Variants in CLEC12B observed in about 807,000 individuals in gnomAD.
CLEC12B encodes C-type lectin domain family 12 member B, also known as macrophage antigen h.
Under a neutral mutation model 36.1 loss-of-function variants are expected in CLEC12B, and 25 were observed. The observed-to-expected ratio is 0.69, with a 90% CI of 0.50 to 0.97. CLEC12B has a LOEUF of 0.97. Ranked by LOEUF, CLEC12B falls within the 50% of genes least tolerant of loss-of-function variation. The pLI is 0.00. For synonymous variants in CLEC12B, 110 were observed against 108.5 expected (o/e 1.01, Z -0.09); for missense variants, 325 against 318.4 (o/e 1.02, Z -0.16).
intron 2 of CLEC12B, 28 bp from the exon 3 acceptor site, chr12:10,014,495 T>C (rs1355427880): frequency 6.8e-7 from 1 of 1,480,598 alleles, no homozygotes; most frequent in African/African-American, 1.4e-5. Context: ...GAAGAATATA[T>C]GAACTTGTCT....
rs1317971420 is a variant in CLEC12B at position 10,015,291 on chromosome 12, A to G, written c.449A>G (p.Tyr150Cys). 11 of 1,613,300 alleles carry G rather than the reference A, an allele frequency of 6.8e-6. No individual in the cohort carries two copies. The highest frequency in any genetic ancestry group is 9.3e-6 in the Non-Finnish European group (11 of 1,179,370). ...CCATGTCCTAAGATGTGGCAATGGT[A>G]CCAAAATAGTTGCTACTATTTTACA... The part of the protein sequence containing the change: ...CNPCPKMWQW[Y>C]QNSCYYFTTN... The change falls in exon 4 of 6, where the codon TAC becomes TGC. Residue 150 changes from tyrosine to cysteine, a missense_variant. By Grantham distance (194) the Tyr-to-Cys change is radical. Coordinates refer to ENST00000338896, the MANE Select transcript of CLEC12B (RefSeq NM_001129998.3).
chr12:10,014,353 TATAA>T (rs1267791393), intron 2 of CLEC12B, among the ~76,000 whole-genome samples, 166 bp from the exon 3 acceptor site: 2 of 152,120 alleles, frequency 1.3e-5, no homozygotes, highest in South Asian at 2.1e-4. Flanking sequence ...TATAAAGAAC[TATAA>T]ATAATTTGGA....
upstream of CLEC12B, among the ~76,000 whole-genome samples, chr12:10,010,198 T>TCACACACACA (rs750091791): frequency 0.013 from 1,233 of 96,748 alleles, 15 homozygotes; most frequent in South Asian, 0.017. Context: ...TCTGTCTCTC[T>TCACACACACA]CTCACACACA....
intron 5 of CLEC12B, chr12:10,016,033 A>C: frequency 2.0e-6 from 2 of 982,948 alleles, no homozygotes; most frequent in Non-Finnish European, 2.5e-6. Context: ...TTCCCATTTT[A>C]TAGGTAGAAA....
chr12:10,015,237 TA>T lies in CLEC12B; in HGVS notation c.410-13del. 4.4e-6 allele frequency: 7 copies of T among 1,603,682 alleles called. No homozygotes were observed. Among genetic ancestry groups the T allele is most frequent in the Non-Finnish European group, 6.0e-6 (7 of 1,174,266 alleles). ...AGTCTTCAGTTTATATTATTGGGTA[TA>T]ATTTCCTTTTCAGACCACAGATGTA... On this transcript the variant is annotated splice_polypyrimidine_tract_variant and intron_variant, in intron 3 of 5. Coordinates refer to ENST00000338896, the MANE Select transcript of CLEC12B (RefSeq NM_001129998.3).
At position 10,014,735 on chromosome 12, in the gene CLEC12B, A is replaced by G. The variant is rs768005069; in HGVS notation, c.403A>G (p.Thr135Ala). Residue 135 changes from threonine (T) to alanine (A), a missense_variant, in exon 3 of 6, where the codon ACT becomes GCT. By Grantham distance (58) the Thr-to-Ala change is moderately conservative (BLOSUM62 0). Transcript: ENST00000338896. ...ACTGTGCCAAGAGCTAATCATTCAT[A>G]CTTCAGGTAATCAGACTTAGTCCTG... Reference protein sequence around the residue: ...IKLCQELIIHTSDHRCNPCPK... With the variant: ...IKLCQELIIHASDHRCNPCPK... The G allele has an allele frequency of 1.9e-6, 3 of 1,611,514 alleles. No individual in the cohort carries two copies. The highest frequency in any genetic ancestry group is 2.5e-6 in the Non-Finnish European group (3 of 1,177,812).
chr12:10,008,326 A>G (rs886401774), upstream of CLEC12B, among the ~76,000 whole-genome samples: 4 of 152,332 alleles, frequency 2.6e-5, no homozygotes, highest in Non-Finnish European at 5.9e-5. Flanking sequence ...AACTAGGATC[A>G]TCTAGTGGGT....
chr12:10,007,012 G>A (rs1347666374), upstream of CLEC12B, among the ~76,000 whole-genome samples: 4 of 151,542 alleles, frequency 2.6e-5, no homozygotes, highest in Non-Finnish European at 4.4e-5. Flanking sequence ...CCGAGATCGC[G>A]CCACTGCACT....
At chr12:10,009,701 A>C (rs1056832761), upstream of CLEC12B, among the ~76,000 whole-genome samples, 10 of 152,142 alleles carry the variant, frequency 6.6e-5, no homozygotes, top group Non-Finnish European at 1.0e-4. Flanking sequence ...AGTGCACCTC[A>C]CGCTGGACAC....
intron 2 of CLEC12B, among the ~76,000 whole-genome samples, chr12:10,014,055 G>A (rs1865409661): frequency 6.6e-6 from 1 of 152,172 alleles, no homozygotes; most frequent in African/African-American, 2.4e-5. Context: ...ATGGACCCAT[G>A]ACGAGAAATG....
Position 10,018,678 on chromosome 12 carries a change from C to T in CLEC12B, c.*197C>T, listed in dbSNP as rs912307817. 17 of 549,862 alleles carry T rather than the reference C, an allele frequency of 3.1e-5. No homozygotes were observed. Among genetic ancestry groups the T allele is most frequent in the Non-Finnish European group, 4.4e-5 (14 of 316,172 alleles). The allele number at this position is 549,862 out of a possible 1,614,324, so 34.1% of individuals were successfully genotyped here. ...TTCTGATTTGATGTTATTATTCGGT[C>T]TTAAAATTATACCTGGGGACAAAGG... On this transcript the variant is annotated 3_prime_UTR_variant, in exon 6 of 6. Coordinates refer to ENST00000338896, the MANE Select transcript of CLEC12B (RefSeq NM_001129998.3).
At chr12:10,013,010 A>G (rs1439505022) in intron 2 of CLEC12B, 127 bp downstream of exon 2, 1 of 716,912 alleles carries the variant, frequency 1.4e-6, no homozygotes. Flanking sequence ...GCTGTCTCAT[A>G]TCTCTCCTAT....
intron 2 of CLEC12B, 53 bp downstream of exon 2, chr12:10,012,936 A>G: frequency 1.5e-6 from 2 of 1,309,684 alleles, no homozygotes; most frequent in Non-Finnish European, 2.2e-6. Flanking sequence ...CATATTGTAA[A>G]CCATGTACTT....
At chr12:10,012,201 G>A (rs996647355) in intron 1 of CLEC12B, among the ~76,000 whole-genome samples, 1 of 152,126 alleles carries the variant, frequency 6.6e-6, no homozygotes, top group African/African-American at 2.4e-5. Flanking sequence ...ACTTTAAAAA[G>A]TCGAATCCAC....
At chr12:10,015,553 A>G in intron 4 of CLEC12B, 59 bp from the exon 5 acceptor site, 1 of 1,607,828 alleles carries the variant, frequency 6.2e-7, no homozygotes. Flanking sequence ...CATCTATCTT[A>G]ACTCTGCAAA....
chr12:10,010,200 T>TCTCTCTCA (rs370060573), upstream of CLEC12B, among the ~76,000 whole-genome samples: 3 of 145,912 alleles, frequency 2.1e-5, no homozygotes, highest in African/African-American at 7.7e-5. Context: ...TGTCTCTCTC[T>TCTCTCTCA]CACACACACA....
intron 4 of CLEC12B, 52 bp from the exon 5 acceptor site, chr12:10,015,560 C>A: frequency 5.0e-6 from 8 of 1,609,186 alleles, no homozygotes; most frequent in Non-Finnish European, 5.9e-6. Flanking sequence ...CTTAACTCTG[C>A]AAACTGGAAT....
upstream of CLEC12B, among the ~76,000 whole-genome samples, chr12:10,009,629 A>C (rs540136117): frequency 6.6e-6 from 1 of 151,948 alleles, no homozygotes; most frequent in South Asian, 2.1e-4. Context: ...GATCATGCAC[A>C]GCGTTCCTAA....
chr12:10,012,679 G>C, intron 1 of CLEC12B, 106 bp from the exon 2 acceptor site: 1 of 768,886 alleles, frequency 1.3e-6, no homozygotes, highest in Non-Finnish European at 2.1e-6. Flanking sequence ...AAGCAAGAAA[G>C]AAACGTTAGT....
Sources: allele counts gnomAD v4.1 joint callset (sites outside exome capture counted in the v4.1 genomes callset), GRCh38; gene constraint gnomAD v4.1.1; transcripts MANE v1.5; gene names NCBI Gene and HGNC (gene_info 2026-07-23, HGNC 2026-07-21).